GSN: variants seen among roughly 807,000 people sequenced by gnomAD.
GSN encodes gelsolin.
GSN carries 56 observed loss-of-function variants against 85.7 expected under a neutral mutation model. The ratio of observed to expected loss-of-function variants is 0.65; its 90% CI spans 0.53 to 0.82. The LOEUF (loss-of-function observed/expected upper bound fraction) is 0.82. Ranked by LOEUF, GSN falls within the 40% of genes least tolerant of loss-of-function variation. The pLI is 0.00. For synonymous variants in GSN, 373 were observed against 399.1 expected (o/e 0.93, Z 0.78); for missense variants, 857 against 979.8 (o/e 0.87, Z 1.67).
intron 10 of GSN, 47 bp from the exon 11 acceptor site, chr9:121,321,221 G>T (rs748892636): frequency 1.6e-5 from 26 of 1,609,116 alleles, no homozygotes; most frequent in Non-Finnish European, 4.2e-6. Flanking sequence ...CCTGAGCTGG[G>T]GGGTGGGGGT....
In GSN at chr9:121,299,316, G is replaced by T. The variant is rs1463103999; in HGVS notation, c.-9-2647G>T. The T allele has an allele frequency of 2.0e-6, 2 of 985,046 alleles. No individual in the cohort carries two copies. Among genetic ancestry groups the T allele is most frequent in the Non-Finnish European group, 1.2e-6 (1 of 829,740 alleles). 61.0% of individuals were successfully genotyped at this position (985,046 alleles called of 1,614,324 possible). A position where few individuals can be genotyped will look rare whatever the true frequency, so the allele number is the denominator to read the frequency against. On this transcript the variant is annotated intron_variant, in intron 2 of 17. Transcript: ENST00000432226. The surrounding 1 kb of genome is among the most constrained non-coding windows in gnomAD (Gnocchi z 4.2). ...TGCTGCGGCGCATGCTGCCTGGTGGGGGTTCTGCCCAGGCCCACTACGGCC... is the reference window on the plus strand; with the variant it reads ...TGCTGCGGCGCATGCTGCCTGGTGGTGGTTCTGCCCAGGCCCACTACGGCC...
intron 5 of GSN, chr9:121,311,496 G>A (rs2061137883): frequency 6.3e-6 from 1 of 157,568 alleles, no homozygotes; most frequent in Admixed American, 6.0e-5. Context: ...GCACACAGAG[G>A]AGTGTGTGAA....
In GSN at chr9:121,212,908, C is replaced by A. The variant is rs139395604; in HGVS notation, c.-528+2041C>A. On this transcript the variant is annotated intron_variant, in intron 4 of 24. Transcript: ENST00000373823. ...AAGTAATCCACCCACCTCGGCCTCC[C>A]AAAGTGCTGGGATCACAGGCATGAG... 1.1e-3 allele frequency among the ~76,000 whole-genome samples: 169 copies of A among 152,194 alleles called. 6 individuals are homozygous for A. In the South Asian group the frequency reaches 0.033, roughly 30 times the overall value.
chr9:121,302,771 G>A, intron 3 of GSN, 140 bp from the exon 4 acceptor site: 1 of 794,242 alleles, frequency 1.3e-6, no homozygotes, highest in South Asian at 1.4e-5. Context: ...TGGATTAACT[G>A]AGGCTCACAG....
intron 5 of GSN, among the ~76,000 whole-genome samples, chr9:121,234,884 T>C (rs1286490411): frequency 1.3e-5 from 2 of 152,170 alleles, no homozygotes; most frequent in African/African-American, 2.4e-5. Flanking sequence ...TAAATAAATG[T>C]AGGACATTGC....
chr9:121,331,559 C>T, intron 17 of GSN, 111 bp downstream of exon 17: 1 of 706,600 alleles, frequency 1.4e-6, no homozygotes, highest in Non-Finnish European at 2.6e-6. Context: ...GACTGATGGA[C>T]AAGATAGGGT....
chr9:121,313,970 G>A lies in GSN; in HGVS notation c.700G>A (p.Glu234Lys), dbSNP rs779305948. The A allele has an allele frequency of 3.3e-5, 54 of 1,614,048 alleles. No homozygotes were observed. Among genetic ancestry groups the A allele is most frequent in the Non-Finnish European group, 4.2e-5 (50 of 1,180,006 alleles). Residue 234 changes from glutamate to lysine, a missense_variant, in exon 7 of 18, where the codon GAG (glutamate) becomes AAG (lysine). Coordinates refer to ENST00000432226, the MANE Select transcript of GSN (RefSeq NM_198252.3). ...CAAGCCGGCTCTGCCTGCAGGTACC[G>A]AGGACACCGCCAAGGAGGATGCGGC... ...GPKPALPAGT[E>K]DTAKEDAANR...
At chr9:121,202,080 T>C in the GSN span, among the ~76,000 whole-genome samples, 1 of 151,790 alleles carries the variant, frequency 6.6e-6, no homozygotes, top group Middle Eastern at 3.2e-3. Context: ...GGAGGGAAGG[T>C]GGAAAGCGCG....
At chr9:121,260,930 TTAATC>T (rs1160478888) in intron 6 of GSN, among the ~76,000 whole-genome samples, 1 of 152,202 alleles carries the variant, frequency 6.6e-6, no homozygotes, top group African/African-American at 2.4e-5. Flanking sequence ...GACTGAAACT[TTAATC>T]CAATCATCAG....
chr9:121,224,226 A>G (rs2054229068), intron 4 of GSN, among the ~76,000 whole-genome samples: 1 of 151,976 alleles, frequency 6.6e-6, no homozygotes, highest in South Asian at 2.1e-4. Context: ...CCTCCCGAGT[A>G]GCTGGGACTA....
chr9:121,249,470 C>G (rs2054771867), intron 6 of GSN, among the ~76,000 whole-genome samples: 1 of 152,166 alleles, frequency 6.6e-6, no homozygotes, highest in South Asian at 2.1e-4. Flanking sequence ...GCCTGAGACC[C>G]TGTCTCAATA....
At chr9:121,205,173 A>G (rs562251428), upstream of GSN, among the ~76,000 whole-genome samples, 48 of 152,260 alleles carry the variant, frequency 3.2e-4, no homozygotes, top group South Asian at 8.1e-3. Flanking sequence ...TCCCTCACCT[A>G]TTCCCCATTT....
chr9:121,257,348 A>G (rs1336268483), intron 6 of GSN, among the ~76,000 whole-genome samples: 1 of 152,248 alleles, frequency 6.6e-6, no homozygotes, highest in Non-Finnish European at 1.5e-5. Context: ...AATTCTCTGC[A>G]TAAGGCACTA....
upstream of GSN, among the ~76,000 whole-genome samples, chr9:121,204,753 A>C (rs1304436176): frequency 1.3e-5 from 2 of 152,246 alleles, no homozygotes; most frequent in Non-Finnish European, 2.9e-5. Context: ...GTAATAGTAA[A>C]TTATAGTACA....
At chr9:121,271,861 G>A (rs1278008439) in intron 1 of GSN, among the ~76,000 whole-genome samples, 3 of 152,220 alleles carry the variant, frequency 2.0e-5, no homozygotes, top group Non-Finnish European at 4.4e-5. Context: ...GTCATGTGGT[G>A]AGGTGAGAGC....
intron 2 of GSN, chr9:121,283,710 T>C (rs1202840773): frequency 1.3e-5 from 2 of 159,950 alleles, no homozygotes; most frequent in Non-Finnish European, 3.0e-5. Flanking sequence ...TTCATTCATA[T>C]ATTCATTCAT....
intron 2 of GSN, 136 bp from the exon 3 acceptor site, chr9:121,301,827 A>G (rs2059896833): frequency 1.4e-6 from 2 of 1,414,380 alleles, no homozygotes; most frequent in Non-Finnish European, 1.9e-6. Flanking sequence ...AGAAGGGGAT[A>G]GACTTCCCTG....
At chr9:121,251,645 A>G (rs977560241) in intron 6 of GSN, among the ~76,000 whole-genome samples, 1 of 152,116 alleles carries the variant, frequency 6.6e-6, no homozygotes, top group Non-Finnish European at 1.5e-5. Flanking sequence ...TGTTGAGGGT[A>G]GGTGAATGGG....
chr9:121,311,024 C>T (rs1238148726), intron 5 of GSN, 179 bp downstream of exon 5: 17 of 648,918 alleles, frequency 2.6e-5, no homozygotes, highest in East Asian at 8.2e-5. Flanking sequence ...ACTCACACCA[C>T]GGGTATAGTG....
Sources: gnomAD v4.1 joint callset for allele counts (sites outside exome capture counted in the v4.1 genomes callset) on GRCh38, gnomAD v4.1.1 for gene constraint, Gnocchi (gnomAD v3.1) non-coding constraint, MANE v1.5 for transcripts, NCBI Gene and HGNC (gene_info 2026-07-23, HGNC 2026-07-21) for gene names.